The following SLC44A4 variants were observed in gnomAD, a reference collection of about 807,000 sequenced individuals.
The protein encoded by SLC44A4 is solute carrier family 44 member 4, also known as choline transporter-like protein 4.
In SLC44A4, 74 loss-of-function variants were observed where a neutral mutation model predicts 97.0. The ratio of observed to expected loss-of-function variants is 0.76; its 90% confidence interval spans 0.63 to 0.93. The LOEUF is 0.93. Among genes scored for constraint, SLC44A4 ranks in the 40% least tolerant of loss-of-function variants. SLC44A4 has a pLI of 0.00. For synonymous variants in SLC44A4, 325 were observed against 363.8 expected (o/e 0.89, Z 1.21); for missense variants, 799 against 902.9 (o/e 0.88, Z 1.48).
Position 31,874,750 on chromosome 6 carries a change from AG to A in SLC44A4, c.438del (p.Cys148ValfsTer9), listed in dbSNP as rs775930433. The A allele has an allele frequency of 5.6e-6, 9 of 1,613,622 alleles. No homozygotes were observed. Among genetic ancestry groups the A allele is most frequent in the Non-Finnish European group, 7.6e-6 (9 of 1,179,798 alleles). ...TTCCAGGGTACCCCTGGCAGACAAA[AG>A]TTCCTGTTTTTTGTATAGAAGACTT... ...VGEVFYTKNR[N>X]FCLPGVPWNM... On this transcript the variant is annotated frameshift_variant, in exon 6 of 21. Transcript: ENST00000229729. LOFTEE classifies it high-confidence loss of function. This position sits in a 1 kb window ranked among gnomAD's most constrained non-coding sequence, Gnocchi z 4.8.
chr6:31,878,042 T>A lies in SLC44A4; in HGVS notation c.40+899A>T, dbSNP rs560967850. On this transcript the variant is annotated intron_variant, in intron 1 of 20. Coordinates refer to ENST00000229729, the MANE Select transcript of SLC44A4 (RefSeq NM_025257.3). This position sits in a 1 kb window ranked among gnomAD's most constrained non-coding sequence, Gnocchi z 4.0. ...GAGAAGGTCCCTCATAGGGGTTCCT[T>A]CCCCTTCAGACCAGAAGACCAGGGG... The A allele has an allele frequency of 5.2e-4, 79 of 152,056 alleles. No individual in the cohort carries two copies. Among genetic ancestry groups the A allele is most frequent in the African/African-American group, 1.9e-3 (78 of 41,398 alleles). The allele number at this position is 152,056 out of a possible 1,614,324, so 9.4% of individuals were successfully genotyped here.
chr6:31,877,077 G>A lies in SLC44A4; in HGVS notation c.46C>T (p.Pro16Ser). Residue 16 changes from proline (P) to serine (S), a missense_variant, in exon 2 of 21, where the codon CCA (proline) becomes TCA (serine). Transcript: ENST00000229729. The surrounding 1 kb of genome is among the most constrained non-coding windows in gnomAD (Gnocchi z 6.5). ...CGAAAGGAGGGGTCGTATTTGACTG[G>A]CTTCCCTGAGGGACATGAGAAGAGG... ...RDEDDEAYGKPVKYDPSFRGP... is the reference protein window; with the variant it reads ...RDEDDEAYGKSVKYDPSFRGP... The A allele has an allele frequency of 6.2e-7, 1 of 1,610,080 alleles. No homozygotes were observed. Among genetic ancestry groups the A allele is most frequent in the Non-Finnish European group, 8.5e-7 (1 of 1,179,092 alleles).
chr6:31,866,401 C>T (rs1486783587), intron 13 of SLC44A4, among the ~76,000 whole-genome samples: 3 of 152,174 alleles, frequency 2.0e-5, no homozygotes, highest in Non-Finnish European at 4.4e-5. Flanking sequence ...GCCTCTGCAA[C>T]GTCTACCAAA....
intron 11 of SLC44A4, among the ~76,000 whole-genome samples, chr6:31,869,879 G>A (rs529187184): frequency 3.3e-5 from 5 of 152,294 alleles, no homozygotes; most frequent in Non-Finnish European, 4.4e-5. Flanking sequence ...CAGCTACTCC[G>A]GAGGCTGAGG....
At position 31,877,481 on chromosome 6, in the gene SLC44A4, C is replaced by A; in HGVS notation, c.41-399G>T. The A allele has an allele frequency of 2.0e-6, 1 of 500,806 alleles. No homozygotes were observed. The allele number at this position is 500,806 out of a possible 1,614,324, so 31.0% of individuals were successfully genotyped here. ...TTCTCATCCCTGCCTCCTCCCTAAT[C>A]CCTCCCCAGGGACCACACAGACCCA... On this transcript the variant is annotated intron_variant, in intron 1 of 20. Coordinates refer to ENST00000229729, the MANE Select transcript of SLC44A4 (RefSeq NM_025257.3). This position sits in a 1 kb window ranked among gnomAD's most constrained non-coding sequence, Gnocchi z 6.5.
chr6:31,875,804 C>A (rs758016510), intron 4 of SLC44A4, 48 bp downstream of exon 4: 1 of 1,536,510 alleles, frequency 6.5e-7, no homozygotes, highest in Non-Finnish European at 8.8e-7. Flanking sequence ...CTCCTGCCCA[C>A]CCTACCTCGC....
chr6:31,874,682 C>T lies in SLC44A4; in HGVS notation c.468+39G>A. ...CCTCCCTCTCGTGCCCACCCTGGCCCTTCTGGGCGACAGTGATGAGGTTAG... is the reference window on the plus strand; with the variant it reads ...CCTCCCTCTCGTGCCCACCCTGGCCTTTCTGGGCGACAGTGATGAGGTTAG... On this transcript the variant is annotated intron_variant, in intron 6 of 20. Transcript: ENST00000229729. The surrounding 1 kb of genome is among the most constrained non-coding windows in gnomAD (Gnocchi z 4.8). 1 of 1,578,656 alleles carries T rather than the reference C, an allele frequency of 6.3e-7. No individual in the cohort carries two copies. The highest frequency in any genetic ancestry group is 8.6e-7 in the Non-Finnish European group (1 of 1,163,074).
At chr6:31,872,090 G>C (rs1040040450) in intron 7 of SLC44A4, among the ~76,000 whole-genome samples, 6 of 151,988 alleles carry the variant, frequency 3.9e-5, no homozygotes, top group African/African-American at 1.5e-4. Flanking sequence ...TTCAAATCCA[G>C]CTCCATCTCA....
In SLC44A4 at chr6:31,869,701, C is replaced by T. The variant is rs544825640; in HGVS notation, c.1038-64G>A. 9.5e-6 allele frequency: 13 copies of T among 1,369,156 alleles called. No homozygotes were observed. In the South Asian group the frequency reaches 1.2e-4, roughly 13 times the overall value. The allele number at this position is 1,369,156 out of a possible 1,614,324, so 84.8% of individuals were successfully genotyped here. On this transcript the variant is annotated intron_variant, in intron 11 of 20. Coordinates refer to ENST00000229729, the MANE Select transcript of SLC44A4 (RefSeq NM_025257.3). ...CTGTCCATCTTCTCAAGGGGCTGAC[C>T]CCGGCCGGGCGCAGTGGCTCACGCC...
chr6:31,869,158 G>T lies in SLC44A4; in HGVS notation c.1230C>A (p.Pro410=). The T allele has an allele frequency of 6.2e-7, 1 of 1,605,042 alleles. No homozygotes were observed. The highest frequency in any genetic ancestry group is 8.5e-7 in the Non-Finnish European group (1 of 1,175,932). The stretch of plus-strand genomic sequence containing the variant: ...CATGTCCCCTGCTTCCTCTTACCGT[G>T]GGGTTGCATGATGTATTTATTGGCA... ...EKVPINTSCN[P]TAHLVNSSCP... The change falls in exon 13 of 21, where the codon CCC becomes CCA. Residue 410 remains proline (P), a synonymous_variant. Transcript: ENST00000229729.
At chr6:31,873,488 A>G (rs963058024) in intron 7 of SLC44A4, among the ~76,000 whole-genome samples, 1 of 152,104 alleles carries the variant, frequency 6.6e-6, no homozygotes, top group African/African-American at 2.4e-5. Context: ...TGGCCTAAAA[A>G]TTGTTTTATA....
rs1283132545 is a variant in SLC44A4, at chr6:31,878,922, G to A, written c.40+19C>T. 6.2e-7 allele frequency: 1 copy of A among 1,613,638 alleles called. No homozygotes were observed. Among genetic ancestry groups the A allele is most frequent in the South Asian group, 1.1e-5 (1 of 91,052 alleles). The stretch of plus-strand genomic sequence containing the variant: ...CCTCCCCTCCCTCCACAGGGTCCCG[G>A]GCCTCGCCCCAGTCTCACCGTAGGC... On this transcript the variant is annotated intron_variant, in intron 1 of 20. Coordinates refer to ENST00000229729, the MANE Select transcript of SLC44A4 (RefSeq NM_025257.3). The surrounding 1 kb of genome is among the most constrained non-coding windows in gnomAD (Gnocchi z 4.0).
Position 31,865,886 on chromosome 6 carries a change from T to C in SLC44A4, c.1474A>G (p.Ile492Val). Reference sequence around the variant, plus strand: ...CCCCATCCTTACCGGAGTGTGCGGATGAAGGCAGAGATTAAGGGGAAGGTA... The same window carrying C: ...CCCCATCCTTACCGGAGTGTGCGGACGAAGGCAGAGATTAAGGGGAAGGTA... ...IPTFPLISAF[I>V]RTLRYHTGSL... is the part of the protein sequence containing the mutation. The change falls in exon 14 of 21, where the codon ATC (isoleucine) becomes GTC (valine). Residue 492 changes from isoleucine (I) to valine (V), a missense_variant. Ile to Val is a conservative substitution (Grantham distance 29). Around this residue, in one of 3 missense-constraint regions of SLC44A4, gnomAD observed 379 missense variants for 438.3 expected, o/e 0.86. Coordinates refer to ENST00000229729, the MANE Select transcript of SLC44A4 (RefSeq NM_025257.3). This position sits in a 1 kb window ranked among gnomAD's most constrained non-coding sequence, Gnocchi z 5.2. The C allele has an allele frequency of 6.2e-7, 1 of 1,614,104 alleles. No homozygotes were observed. Among genetic ancestry groups the C allele is most frequent in the Non-Finnish European group, 8.5e-7 (1 of 1,179,990 alleles).
Position 31,877,201 on chromosome 6 carries a change from G to T in SLC44A4, c.41-119C>A. 1 of 1,029,628 alleles carries T rather than the reference G, an allele frequency of 9.7e-7. No homozygotes were observed. Among genetic ancestry groups the T allele is most frequent in the South Asian group, 1.5e-5 (1 of 65,302 alleles). 63.8% of individuals were successfully genotyped at this position (1,029,628 alleles called of 1,614,324 possible). On this transcript the variant is annotated intron_variant, in intron 1 of 20. Transcript: ENST00000229729. This position sits in a 1 kb window ranked among gnomAD's most constrained non-coding sequence, Gnocchi z 6.5. The stretch of plus-strand genomic sequence containing the variant: ...CAGGTGTTTGGAGGGAGATGGGCTA[G>T]GGCAGGACTGGCAGGAGGGGAAAAC...
chr6:31,876,864 C>T lies in SLC44A4; in HGVS notation c.89+170G>A, dbSNP rs993865227. ...CATCCCCCCAGAACTGGGAAGCCCT[C>T]GATGCCTGCTCCAGACACAACAATC... On this transcript the variant is annotated intron_variant, in intron 2 of 20. Transcript: ENST00000229729. This position sits in a 1 kb window ranked among gnomAD's most constrained non-coding sequence, Gnocchi z 4.8. Among the ~76,000 whole-genome samples, 4 of 152,140 alleles carry T rather than the reference C, an allele frequency of 2.6e-5. No individual in the cohort carries two copies. Among genetic ancestry groups the T allele is most frequent in the East Asian group, 3.8e-4 (2 of 5,202 alleles).
chr6:31,873,978 C>T (rs755907576), intron 7 of SLC44A4, among the ~76,000 whole-genome samples: 1 of 151,990 alleles, frequency 6.6e-6, no homozygotes, highest in African/African-American at 2.4e-5. Flanking sequence ...GGCGTGGTGG[C>T]GGGCACCATG....
At position 31,864,884 on chromosome 6, in the gene SLC44A4, C is replaced by T. The variant is rs537907234; in HGVS notation, c.1858G>A (p.Gly620Ser). The T allele has an allele frequency of 2.2e-5, 36 of 1,613,762 alleles. No individual in the cohort carries two copies. Among genetic ancestry groups the T allele is most frequent in the Middle Eastern group, 3.3e-4 (2 of 6,062 alleles). The stretch of plus-strand genomic sequence containing the variant: ...TCTTTACCCAGCCCCGGGATGCGAC[C>T]GGAGAAAAAAAAGAAGGACAGGACC... ...VGVLSFFFFS[G>S]RIPGLGKDFK... Residue 620 changes from glycine to serine, a missense_variant, in exon 19 of 21, where the codon GGT becomes AGT. Coordinates refer to ENST00000229729, the MANE Select transcript of SLC44A4 (RefSeq NM_025257.3).
At position 31,865,476 on chromosome 6, in the gene SLC44A4, G is replaced by C. The variant is rs781399388; in HGVS notation, c.1686+22C>G. 1.2e-6 allele frequency: 2 copies of C among 1,612,258 alleles called. No homozygotes were observed. The highest frequency in any genetic ancestry group is 1.7e-6 in the Non-Finnish European group (2 of 1,178,376). On this transcript the variant is annotated intron_variant, in intron 16 of 20. Coordinates refer to ENST00000229729, the MANE Select transcript of SLC44A4 (RefSeq NM_025257.3). This position sits in a 1 kb window ranked among gnomAD's most constrained non-coding sequence, Gnocchi z 5.2. ...TAGACCAAAGGGCACCAGAACAAAG[G>C]GTTGCTTGCAGTGTAGCTCACCATG...
Position 31,876,414 on chromosome 6 carries a change from G to A in SLC44A4, c.90-285C>T, listed in dbSNP as rs555813273. Among the ~76,000 whole-genome samples the A allele has an allele frequency of 1.3e-4, 20 of 152,160 alleles. 1 individual carries two copies. In the South Asian group the frequency reaches 1.4e-3, roughly 11 times the overall value. ...CTCCCGAGTAGCTGGGATTACAGGCGCGTGCCACTACTGCCCGGCTAATTT... is the reference window on the plus strand; with the variant it reads ...CTCCCGAGTAGCTGGGATTACAGGCACGTGCCACTACTGCCCGGCTAATTT... On this transcript the variant is annotated intron_variant, in intron 2 of 20. Coordinates refer to ENST00000229729, the MANE Select transcript of SLC44A4 (RefSeq NM_025257.3). This position sits in a 1 kb window ranked among gnomAD's most constrained non-coding sequence, Gnocchi z 4.8.
Sources: gnomAD v4.1 joint callset for allele counts (sites outside exome capture counted in the v4.1 genomes callset) on GRCh38, gnomAD v4.1.1 for gene constraint, gnomAD v4.1.1 regional missense constraint, Gnocchi (gnomAD v3.1) non-coding constraint, MANE v1.5 for transcripts, NCBI Gene and HGNC (gene_info 2026-07-23, HGNC 2026-07-21) for gene names.